Variants in MAPK10 observed in about 807,000 individuals in gnomAD.
MAPK10 encodes mitogen-activated protein kinase 10.
Under a neutral mutation model 59.3 loss-of-function variants are expected in MAPK10, and 25 were observed. That is an observed-to-expected ratio of 0.42 (90% CI 0.31 to 0.59). The LOEUF is 0.59. MAPK10 is among the 20% of genes least tolerant of loss of function. The pLI, the probability that MAPK10 is intolerant of heterozygous loss-of-function variation, is 0.15. For synonymous variants in MAPK10, 190 were observed against 200.5 expected (o/e 0.95, Z 0.44); for missense variants, 351 against 568.9 (o/e 0.62, Z 3.90).
At chr4:86,096,084 C>A (rs1478632991) in intron 9 of MAPK10, among the ~76,000 whole-genome samples, 1 of 151,254 alleles carries the variant, frequency 6.6e-6, no homozygotes, top group Non-Finnish European at 1.5e-5. Context: ...GACTGCTGTA[C>A]TATGTAATCA....
intron 4 of MAPK10, among the ~76,000 whole-genome samples, chr4:86,132,444 T>C (rs2061177924): frequency 6.6e-6 from 1 of 152,254 alleles, no homozygotes; most frequent in Non-Finnish European, 1.5e-5. Flanking sequence ...TTGACTATGT[T>C]AGTCATAAAA....
chr4:86,176,984 A>G (rs183946370), intron 3 of MAPK10, among the ~76,000 whole-genome samples: 105 of 152,246 alleles, frequency 6.9e-4, no homozygotes, highest in African/African-American at 2.4e-3. Flanking sequence ...TAGAAGAAAG[A>G]GTCAGGTTTC....
chr4:86,145,609 A>T (rs2064788524), intron 4 of MAPK10, among the ~76,000 whole-genome samples: 1 of 152,044 alleles, frequency 6.6e-6, no homozygotes, highest in Admixed American at 6.6e-5. Flanking sequence ...TCTCTCTGGG[A>T]ATCTCTCAGC....
At chr4:86,169,716 C>T (rs999515410) in intron 3 of MAPK10, among the ~76,000 whole-genome samples, 3 of 151,694 alleles carry the variant, frequency 2.0e-5, no homozygotes, top group African/African-American at 4.9e-5. Context: ...ACAGAGAACA[C>T]CACAAAGATA....
At chr4:86,129,650 C>T (rs980127777) in intron 4 of MAPK10, among the ~76,000 whole-genome samples, 2 of 152,112 alleles carry the variant, frequency 1.3e-5, no homozygotes, top group Admixed American at 6.6e-5. Context: ...CCTAAATGCA[C>T]GTCCTGCTCT....
intron 2 of MAPK10, among the ~76,000 whole-genome samples, chr4:86,302,339 G>A (rs1484951447): frequency 2.0e-5 from 3 of 152,230 alleles, no homozygotes; most frequent in Non-Finnish European, 4.4e-5. Flanking sequence ...CCTGTCTTCA[G>A]TGGTACTGAA....
chr4:86,047,625 TTTGTGTGTGTGTAC>T (rs1183118381), intron 11 of MAPK10, among the ~76,000 whole-genome samples: 1 of 152,172 alleles, frequency 6.6e-6, no homozygotes, highest in Non-Finnish European at 1.5e-5. Context: ...TGGTTTTTCT[TTTGTGTGTGTGTAC>T]GTGTGTGTGT....
chr4:86,328,407 T>C (rs1353005588), intron 2 of MAPK10, among the ~76,000 whole-genome samples: 1 of 152,218 alleles, frequency 6.6e-6, no homozygotes. Flanking sequence ...TTCGTGGGAA[T>C]GTAAATTAGT....
chr4:86,317,355 C>T (rs1361276525), intron 2 of MAPK10, among the ~76,000 whole-genome samples: 1 of 152,102 alleles, frequency 6.6e-6, no homozygotes, highest in Non-Finnish European at 1.5e-5. Flanking sequence ...TAGAAGATGC[C>T]CATTACTCTG....
intron 2 of MAPK10, among the ~76,000 whole-genome samples, chr4:86,274,484 C>T (rs540573640): frequency 1.3e-5 from 2 of 151,862 alleles, no homozygotes; most frequent in African/African-American, 4.8e-5. Context: ...CCAATTTTCC[C>T]CACACCTCAG....
chr4:86,031,258 T>C (rs1370609259), intron 12 of MAPK10, 110 bp downstream of exon 12: 8 of 754,482 alleles, frequency 1.1e-5, no homozygotes, highest in Non-Finnish European at 1.6e-5. Flanking sequence ...TCTAAGAGAA[T>C]AGCAGTCAGC....
chr4:86,476,522 C>A (rs554897413), intron 1 of MAPK10, among the ~76,000 whole-genome samples: 31 of 152,234 alleles, frequency 2.0e-4, no homozygotes, highest in African/African-American at 7.2e-4. Context: ...TTGGCAGCAA[C>A]CCTGAGACGC....
intron 4 of MAPK10, among the ~76,000 whole-genome samples, chr4:86,114,688 C>T (rs1252375616): frequency 1.3e-5 from 2 of 152,202 alleles, no homozygotes; most frequent in African/African-American, 2.4e-5. Flanking sequence ...GTTTAAAGAA[C>T]CAGTCTGACT....
chr4:86,211,216 C>T (rs2085712436), intron 2 of MAPK10, among the ~76,000 whole-genome samples: 1 of 152,032 alleles, frequency 6.6e-6, no homozygotes, highest in East Asian at 1.9e-4. Flanking sequence ...AAGATATAAA[C>T]ATCTAAGAAG....
At chr4:86,086,996 T>C (rs2052020167) in intron 9 of MAPK10, among the ~76,000 whole-genome samples, 1 of 152,066 alleles carries the variant, frequency 6.6e-6, no homozygotes, top group South Asian at 2.1e-4. Context: ...ATACAAGAGC[T>C]CCATAAAGGA....
intron 2 of MAPK10, among the ~76,000 whole-genome samples, chr4:86,345,799 T>C (rs1254929745): frequency 1.3e-5 from 2 of 152,362 alleles, no homozygotes; most frequent in Non-Finnish European, 2.9e-5. Flanking sequence ...TTCCTATATA[T>C]TCCTGCAGTG....
At chr4:86,110,252 T>C (rs901310897) in intron 4 of MAPK10, among the ~76,000 whole-genome samples, 1 of 152,182 alleles carries the variant, frequency 6.6e-6, no homozygotes, top group African/African-American at 2.4e-5. Flanking sequence ...TGTCCTTTTT[T>C]GCTTTTGTTG....
intron 1 of MAPK10, among the ~76,000 whole-genome samples, chr4:86,413,468 G>A (rs889453709): frequency 1.3e-5 from 2 of 152,204 alleles, no homozygotes; most frequent in Non-Finnish European, 2.9e-5. Context: ...ATTTAAGTCT[G>A]CAGAAATTTC....
intron 4 of MAPK10, among the ~76,000 whole-genome samples, chr4:86,155,961 T>A (rs554144143): frequency 2.6e-4 from 39 of 152,146 alleles, no homozygotes; most frequent in Admixed American, 7.9e-4. Context: ...ACAGCCTGGA[T>A]ATGCTACACA....
Sources: gnomAD v4.1 joint callset for allele counts (sites outside exome capture counted in the v4.1 genomes callset) on GRCh38, gnomAD v4.1.1 for gene constraint, MANE v1.5 for transcripts, NCBI Gene and HGNC (gene_info 2026-07-23, HGNC 2026-07-21) for gene names.